Variants in EYS observed in about 807,000 individuals in gnomAD.
The protein encoded by EYS is protein eyes shut homolog.
EYS carries 250 observed loss-of-function variants against 282.1 expected under a neutral mutation model. The observed-to-expected ratio is 0.89, with a 90% CI of 0.80 to 0.98. The LOEUF (loss-of-function observed/expected upper bound fraction) is 0.98, where lower values mean the gene tolerates loss of function less well. Among genes scored for constraint, EYS ranks in the 50% least tolerant of loss-of-function variants. The pLI is 0.00. For synonymous variants in EYS, 1,355 were observed against 1,282.9 expected, an observed-to-expected ratio of 1.06 and a Z score of -1.20; for missense variants, 4,016 against 3,709.0, an observed-to-expected ratio of 1.08 and a Z score of -2.15.
chr6:64,882,830 A>C (rs896859533), intron 19 of EYS, among the ~76,000 whole-genome samples: 2 of 151,632 alleles, frequency 1.3e-5, no homozygotes, highest in African/African-American at 4.8e-5. Flanking sequence ...GATGGAGAGA[A>C]GAGATAAAAT....
At chr6:63,843,531 T>A (rs1772019426) in intron 36 of EYS, among the ~76,000 whole-genome samples, 1 of 152,104 alleles carries the variant, frequency 6.6e-6, no homozygotes, top group Non-Finnish European at 1.5e-5. Context: ...GCAGAAAAGA[T>A]CTTCAATAAA....
At chr6:64,387,131 C>A (rs530073681) in intron 29 of EYS, among the ~76,000 whole-genome samples, 2 of 152,244 alleles carry the variant, frequency 1.3e-5, no homozygotes, top group Admixed American at 1.3e-4. Context: ...TAAATTATGT[C>A]TACTCCACCT....
chr6:65,344,471 A>C (rs1427326052), intron 9 of EYS, among the ~76,000 whole-genome samples: 1 of 151,570 alleles, frequency 6.6e-6, no homozygotes, highest in Non-Finnish European at 1.5e-5. Context: ...AATAATTATA[A>C]GAAAGGATGG....
chr6:63,762,037 A>C (rs947195069), intron 41 of EYS, among the ~76,000 whole-genome samples: 1 of 151,958 alleles, frequency 6.6e-6, no homozygotes, highest in Non-Finnish European at 1.5e-5. Context: ...ACTTGGGGCC[A>C]TTTCTCCTCT....
intron 35 of EYS, among the ~76,000 whole-genome samples, chr6:63,930,899 G>C (rs1049063332): frequency 1.3e-5 from 2 of 152,134 alleles, no homozygotes; most frequent in African/African-American, 4.8e-5. Context: ...AAACACCCTT[G>C]ATGATCATAT....
intron 5 of EYS, among the ~76,000 whole-genome samples, chr6:65,433,321 T>A (rs1210466218): frequency 6.6e-6 from 1 of 152,148 alleles, no homozygotes; most frequent in African/African-American, 2.4e-5. Flanking sequence ...AGAATGTCAG[T>A]CACTTCATCT....
At chr6:64,256,231 C>CTCTTT (rs947150996) in intron 30 of EYS, among the ~76,000 whole-genome samples, 1 of 151,958 alleles carries the variant, frequency 6.6e-6, no homozygotes, top group Non-Finnish European at 1.5e-5. Context: ...CACTACATAG[C>CTCTTT]TCTTTTTTCC....
Position 65,490,611 on chromosome 6 carries a change from C to T in EYS, c.845G>A (p.Cys282Tyr), listed in dbSNP as rs1224251759. 1 of 1,608,266 alleles carries T rather than the reference C, an allele frequency of 6.2e-7. No individual in the cohort carries two copies. The highest frequency in any genetic ancestry group is 8.5e-7 in the Non-Finnish European group (1 of 1,175,142). The change falls in exon 5 of 43, where the codon TGT (cysteine) becomes TAT (tyrosine). Residue 282 changes from cysteine (C) to tyrosine (Y), a missense_variant. Cys to Tyr is a radical substitution (Grantham distance 194). Coordinates refer to ENST00000503581, the MANE Select transcript of EYS (RefSeq NM_001142800.2). ...NITSNSFICE[C>Y]DEQFSGPFCE... ...TTTTTTACCTGAAAATTGCTCATCA[C>T]ATTCACAAATGAAACTATTTGAAGT... is the stretch of plus-strand genomic sequence containing the variant.
chr6:64,109,758 C>T (rs1035884727), intron 31 of EYS, among the ~76,000 whole-genome samples: 5 of 152,084 alleles, frequency 3.3e-5, no homozygotes, highest in African/African-American at 1.2e-4. Flanking sequence ...CACTTACATG[C>T]CTGGTCTTTT....
intron 31 of EYS, among the ~76,000 whole-genome samples, chr6:64,101,990 G>A (rs1014098108): frequency 2.0e-5 from 3 of 151,858 alleles, no homozygotes; most frequent in Admixed American, 6.6e-5. Context: ...CTGACAGCGG[G>A]TGGAGCTCAA....
intron 2 of EYS, among the ~76,000 whole-genome samples, chr6:65,633,208 T>C (rs1766979446): frequency 6.6e-6 from 1 of 152,240 alleles, no homozygotes; most frequent in Non-Finnish European, 1.5e-5. Context: ...TTAGATCTTC[T>C]AGTAATTCAC....
chr6:65,624,143 G>C (rs926751721), intron 2 of EYS, among the ~76,000 whole-genome samples: 1 of 152,192 alleles, frequency 6.6e-6, no homozygotes, highest in Admixed American at 6.5e-5. Flanking sequence ...ATTAGGCATA[G>C]AAGAGACACA....
chr6:65,034,753 G>T (rs1030565898), intron 13 of EYS, among the ~76,000 whole-genome samples: 1 of 151,952 alleles, frequency 6.6e-6, no homozygotes, highest in Admixed American at 6.6e-5. Context: ...CCCAGTCTCA[G>T]ATATTTATTT....
intron 1 of EYS, among the ~76,000 whole-genome samples, chr6:65,700,227 G>A (rs1170732479): frequency 2.6e-5 from 4 of 151,688 alleles, no homozygotes; most frequent in Non-Finnish European, 2.9e-5. Flanking sequence ...TCACAAGACT[G>A]GACCCTGGGA....
At chr6:64,163,893 G>A (rs1055919970) in intron 31 of EYS, among the ~76,000 whole-genome samples, 3 of 152,074 alleles carry the variant, frequency 2.0e-5, no homozygotes, top group African/African-American at 7.2e-5. Context: ...ATTCCAGAAG[G>A]AATCCTGAAC....
Position 63,726,673 on chromosome 6 carries a change from G to GTTT in EYS, c.8078_8079insAAA (p.Ser2693_Ile2694insAsn). The GTTT allele has an allele frequency of 3.2e-6, 5 of 1,550,788 alleles. No homozygotes were observed. The highest frequency in any genetic ancestry group is 1.2e-5 in the South Asian group (1 of 83,922). On this transcript the variant is annotated inframe_insertion, in exon 42 of 43. Transcript: ENST00000503581. ...TGCTTCTGAAAGATGGATCACTTAT[G>GTTT]GATAAAGCTGAGGGAAGGAGAGAAA...
At chr6:65,267,167 G>C (rs1767779682) in intron 12 of EYS, among the ~76,000 whole-genome samples, 5 of 151,616 alleles carry the variant, frequency 3.3e-5, no homozygotes, top group Admixed American at 6.6e-5. Flanking sequence ...GACTCCTGGT[G>C]CTTTATGCAA....
intron 16 of EYS, among the ~76,000 whole-genome samples, chr6:64,911,899 A>G (rs1768005186): frequency 6.6e-6 from 1 of 152,162 alleles, no homozygotes. Context: ...TTATTGGCTG[A>G]TATGACCCAG....
intron 31 of EYS, among the ~76,000 whole-genome samples, chr6:64,179,499 A>G (rs1322994002): frequency 1.3e-5 from 2 of 152,092 alleles, no homozygotes; most frequent in African/African-American, 2.4e-5. Flanking sequence ...GAAATTCCAG[A>G]TTGATATTCA....
Sources: allele counts gnomAD v4.1 joint callset (sites outside exome capture counted in the v4.1 genomes callset), GRCh38; gene constraint gnomAD v4.1.1; transcripts MANE v1.5; gene names NCBI Gene and HGNC (gene_info 2026-07-23, HGNC 2026-07-21).